SPIDR: variants seen among roughly 807,000 people sequenced by gnomAD.
SPIDR encodes the protein DNA repair-scaffolding protein.
Under a neutral mutation model 104.6 loss-of-function variants are expected in SPIDR, and 93 were observed. That is an observed-to-expected ratio of 0.89 (90% CI 0.75 to 1.06). SPIDR has a LOEUF of 1.06. SPIDR is among the 50% of genes least tolerant of loss of function. The pLI, the probability that SPIDR is intolerant of heterozygous loss-of-function variation, is 0.00. For synonymous variants in SPIDR, 431 were observed against 416.9 expected (o/e 1.03, Z -0.41); for missense variants, 1,154 against 1,111.2 (o/e 1.04, Z -0.55).
rs57853552 is a variant in SPIDR at position 47,353,052 on chromosome 8, C to CAA, written c.526-43302_526-43301dup. Among the ~76,000 whole-genome samples, 492 of 74,244 alleles carry CAA rather than the reference C, an allele frequency of 6.6e-3. 9 individuals carry two copies. The highest frequency in any genetic ancestry group is 8.4e-3 in the Non-Finnish European group (348 of 41,448). The allele number at this position is 74,244 out of a possible 152,430, so 48.7% of individuals were successfully genotyped here. A position where few individuals can be genotyped will look rare whatever the true frequency, so the allele number is the denominator to read the frequency against. ...CAGGCGACAGAGCGGGACTCTATCT[C>CAA]AAAAAAAAAAAAAAAAAAAAAAAGT... On this transcript the variant is annotated intron_variant, in intron 5 of 19. Coordinates refer to ENST00000297423, the MANE Select transcript of SPIDR (RefSeq NM_001080394.4).
At chr8:47,321,980 A>C (rs1245236790) in intron 5 of SPIDR, among the ~76,000 whole-genome samples, 1 of 152,174 alleles carries the variant, frequency 6.6e-6, no homozygotes, top group Admixed American at 6.5e-5. Flanking sequence ...TAGACCTGAA[A>C]CCATAAAAAC....
chr8:47,488,053 C>T (rs1234813441), intron 8 of SPIDR, among the ~76,000 whole-genome samples: 1 of 152,064 alleles, frequency 6.6e-6, no homozygotes, highest in Admixed American at 6.6e-5. Context: ...TTCAAAAAAT[C>T]AATGAATCCA....
At position 47,713,558 on chromosome 8, in the gene SPIDR, C is replaced by G; in HGVS notation, c.2258C>G (p.Ala753Gly). 6.2e-7 allele frequency: 1 copy of G among 1,614,178 alleles called. No individual in the cohort carries two copies. Among genetic ancestry groups the G allele is most frequent in the Non-Finnish European group, 8.5e-7 (1 of 1,180,036 alleles). The change falls in exon 16 of 20, where the codon GCA (alanine) becomes GGA (glycine). Residue 753 changes from alanine (A) to glycine (G), a missense_variant. Coordinates refer to ENST00000297423, the MANE Select transcript of SPIDR (RefSeq NM_001080394.4). ...CCCCTTTTGAGTGTGGTCTCTGGTG[C>G]AAGTTCCTGTGAGCTGCCTGGCCCG... ...QKPLLSVVSG[A>G]SSCELPGPVM...
At chr8:47,411,915 C>G (rs1324380867) in intron 7 of SPIDR, among the ~76,000 whole-genome samples, 2 of 152,166 alleles carry the variant, frequency 1.3e-5, no homozygotes, top group African/African-American at 4.8e-5. Context: ...ATAAGGATTC[C>G]TTTCCCCATT....
At chr8:47,545,708 C>A (rs78199176) in intron 8 of SPIDR, among the ~76,000 whole-genome samples, 1,627 of 152,058 alleles carry the variant, frequency 0.011, 31 homozygotes, top group African/African-American at 0.037. Context: ...CTGGCTTGTT[C>A]CTAATCTTAG....
chr8:47,551,440 A>G (rs901073865), intron 8 of SPIDR, among the ~76,000 whole-genome samples: 4 of 152,116 alleles, frequency 2.6e-5, no homozygotes, highest in Non-Finnish European at 4.4e-5. Flanking sequence ...TATTGCCTCA[A>G]TTTCAGAGCC....
intron 10 of SPIDR, among the ~76,000 whole-genome samples, chr8:47,618,161 C>T (rs1015118838): frequency 1.3e-5 from 2 of 152,102 alleles, no homozygotes; most frequent in South Asian, 2.1e-4. Context: ...GAATTCCTCT[C>T]GTGTCATTTT....
intron 5 of SPIDR, among the ~76,000 whole-genome samples, chr8:47,395,018 C>T (rs527816165): frequency 3.3e-5 from 5 of 152,056 alleles, no homozygotes; most frequent in South Asian, 2.1e-4. Context: ...GTTTTTTTGA[C>T]GAGGTATGGA....
intron 8 of SPIDR, among the ~76,000 whole-genome samples, chr8:47,459,739 G>A (rs1452164765): frequency 1.3e-5 from 2 of 151,792 alleles, no homozygotes; most frequent in Admixed American, 6.6e-5. Flanking sequence ...TTGTCTGTTT[G>A]TACTGTTTCA....
At chr8:47,619,469 C>T (rs1420714895) in intron 10 of SPIDR, among the ~76,000 whole-genome samples, 1 of 152,200 alleles carries the variant, frequency 6.6e-6, no homozygotes, top group Non-Finnish European at 1.5e-5. Flanking sequence ...TCCTAGAAGG[C>T]TCTCTCCTAT....
chr8:47,648,760 G>A (rs566046918), intron 10 of SPIDR, among the ~76,000 whole-genome samples: 233 of 152,272 alleles, frequency 1.5e-3, no homozygotes, highest in Admixed American at 3.4e-3. Flanking sequence ...AAAGGACACC[G>A]AAGCTAGCTT....
chr8:47,387,978 A>C (rs1307667979), intron 5 of SPIDR, among the ~76,000 whole-genome samples: 4 of 152,192 alleles, frequency 2.6e-5, no homozygotes, highest in Non-Finnish European at 5.9e-5. Flanking sequence ...CTTGCCTCCC[A>C]GTATGAACTC....
intron 5 of SPIDR, among the ~76,000 whole-genome samples, chr8:47,313,064 A>T (rs1318733087): frequency 6.6e-6 from 1 of 152,192 alleles, no homozygotes; most frequent in Non-Finnish European, 1.5e-5. Context: ...TGGCCAGGGC[A>T]GTCAGGCAGG....
chr8:47,299,218 T>C (rs1392205419), intron 5 of SPIDR, among the ~76,000 whole-genome samples: 1 of 152,216 alleles, frequency 6.6e-6, no homozygotes, highest in South Asian at 2.1e-4. Context: ...TTGAAGCAAT[T>C]GTGAATGGGA....
In SPIDR at chr8:47,614,754, A is replaced by G. The variant is rs187955916; in HGVS notation, c.1544+15558A>G. On this transcript the variant is annotated intron_variant, in intron 10 of 19. Coordinates refer to ENST00000297423, the MANE Select transcript of SPIDR (RefSeq NM_001080394.4). ...TGAGTCAAATGGTATTTCTGGTTCT[A>G]GGTCTTTGAGGAATCACCACACTGT... Among the ~76,000 whole-genome samples, 10 of 152,294 alleles carry G rather than the reference A, an allele frequency of 6.6e-5. No individual in the cohort carries two copies. The East Asian group carries it at 1.9e-3, about 29-fold the overall frequency.
At chr8:47,627,237 G>T (rs1374678124) in intron 10 of SPIDR, among the ~76,000 whole-genome samples, 2 of 152,106 alleles carry the variant, frequency 1.3e-5, no homozygotes, top group African/African-American at 4.8e-5. Context: ...GGGGACTGTT[G>T]TGGGGTGGCG....
chr8:47,596,499 T>TA (rs2061630996), intron 9 of SPIDR, among the ~76,000 whole-genome samples: 1 of 152,032 alleles, frequency 6.6e-6, no homozygotes, highest in Non-Finnish European at 1.5e-5. Flanking sequence ...GTCCAAAAGA[T>TA]AAAAAATGGT....
chr8:47,702,121 A>G (rs891250853), intron 14 of SPIDR, 106 bp downstream of exon 14: 62 of 1,047,134 alleles, frequency 5.9e-5, no homozygotes, highest in Non-Finnish European at 8.1e-5. Context: ...ACACACACAC[A>G]CACACACACA....
chr8:47,403,565 A>G (rs1292788585), intron 6 of SPIDR, among the ~76,000 whole-genome samples: 1 of 152,174 alleles, frequency 6.6e-6, no homozygotes, highest in Non-Finnish European at 1.5e-5. Context: ...CCAATAACAG[A>G]CAAAACAGCC....
Sources: allele counts gnomAD v4.1 joint callset (sites outside exome capture counted in the v4.1 genomes callset), GRCh38; gene constraint gnomAD v4.1.1; transcripts MANE v1.5; gene names NCBI Gene and HGNC (gene_info 2026-07-23, HGNC 2026-07-21).